LARS2: variants seen among roughly 807,000 people sequenced by gnomAD.
The protein encoded by LARS2 is leucyl-tRNA synthetase 2, mitochondrial, also known as leucine--tRNA ligase, mitochondrial.
LARS2 carries 81 observed loss-of-function variants against 116.6 expected under a neutral mutation model. The ratio of observed to expected loss-of-function variants is 0.69; its 90% CI spans 0.58 to 0.84. The LOEUF (loss-of-function observed/expected upper bound fraction) is 0.84, where lower values mean the gene tolerates loss of function less well. Among genes scored for constraint, LARS2 ranks in the 40% least tolerant of loss-of-function variants. LARS2 has a pLI of 0.00. For missense variants in LARS2, 968 were observed against 1,114.5 expected (o/e 0.87, Z 1.87); for synonymous variants, 396 against 407.2 (o/e 0.97, Z 0.33).
chr3:45,394,823 A>G (rs1381254968), intron 3 of LARS2, 136 bp downstream of exon 3: 9 of 639,542 alleles, frequency 1.4e-5, no homozygotes, highest in African/African-American at 3.7e-5. Flanking sequence ...CTGTGCTTCA[A>G]TTCTCTTATC....
chr3:45,428,239 GTT>G (rs35323496), intron 6 of LARS2, among the ~76,000 whole-genome samples: 1 of 84,190 alleles, frequency 1.2e-5, no homozygotes, highest in East Asian at 4.1e-4. Flanking sequence ...ATCTTAACCT[GTT>G]TTTTTTTTTT....
At chr3:45,539,999 G>A (rs1032455556) in intron 20 of LARS2, among the ~76,000 whole-genome samples, 4 of 151,976 alleles carry the variant, frequency 2.6e-5, no homozygotes, top group Admixed American at 6.5e-5. Flanking sequence ...GGTTGGGTGC[G>A]GTGGCTCACG....
intron 14 of LARS2, among the ~76,000 whole-genome samples, chr3:45,498,026 C>T (rs953699322): frequency 6.6e-6 from 1 of 152,238 alleles, no homozygotes; most frequent in Non-Finnish European, 1.5e-5. Flanking sequence ...CCTTCTCTGG[C>T]CCACAGAGGG....
intron 7 of LARS2, among the ~76,000 whole-genome samples, chr3:45,452,400 A>G (rs1004341469): frequency 6.6e-6 from 1 of 150,452 alleles, no homozygotes; most frequent in Non-Finnish European, 1.5e-5. Flanking sequence ...TTTTTTTATC[A>G]TGAAGGATGT....
intron 20 of LARS2, among the ~76,000 whole-genome samples, chr3:45,527,185 A>G (rs565585466): frequency 1.2e-4 from 19 of 152,280 alleles, no homozygotes; most frequent in African/African-American, 4.3e-4. Flanking sequence ...AACACTGGGC[A>G]TCTCAGAGGG....
chr3:45,401,284 T>G (rs1698144083), intron 4 of LARS2, among the ~76,000 whole-genome samples: 1 of 152,086 alleles, frequency 6.6e-6, no homozygotes, highest in Non-Finnish European at 1.5e-5. Context: ...GGAGGATTAC[T>G]TGAGCCCAGG....
chr3:45,431,380 G>A (rs1474024470), intron 6 of LARS2, among the ~76,000 whole-genome samples: 1 of 152,132 alleles, frequency 6.6e-6, no homozygotes, highest in East Asian at 1.9e-4. Context: ...TAACCTAAAA[G>A]CTATTCTTGC....
chr3:45,488,574 A>G, intron 11 of LARS2, 123 bp from the exon 12 acceptor site: 1 of 655,056 alleles, frequency 1.5e-6, no homozygotes, highest in Non-Finnish European at 2.8e-6. Context: ...GTGGTTTTAA[A>G]ACTTCTATAA....
At chr3:45,400,719 G>A (rs1698132057) in intron 4 of LARS2, among the ~76,000 whole-genome samples, 1 of 152,178 alleles carries the variant, frequency 6.6e-6, no homozygotes, top group Non-Finnish European at 1.5e-5. Context: ...GAGGTCAACA[G>A]TACAAATACA....
At chr3:45,479,084 A>C (rs1379094441) in intron 10 of LARS2, among the ~76,000 whole-genome samples, 4 of 151,932 alleles carry the variant, frequency 2.6e-5, no homozygotes, top group Non-Finnish European at 5.9e-5. Context: ...TAAATTTATC[A>C]CTTGCAGGAG....
At chr3:45,518,961 G>A (rs544958370) in intron 18 of LARS2, among the ~76,000 whole-genome samples, 151 of 152,148 alleles carry the variant, frequency 9.9e-4, no homozygotes, top group Admixed American at 1.7e-3. Context: ...TGAATGTAGG[G>A]GTCTGAGTGA....
intron 6 of LARS2, among the ~76,000 whole-genome samples, chr3:45,442,742 G>A (rs1698934178): frequency 3.3e-5 from 5 of 152,034 alleles, no homozygotes; most frequent in Admixed American, 1.3e-4. Flanking sequence ...GATGGAGAAG[G>A]GCAACTCACT....
chr3:45,486,158 A>G (rs1284412804), intron 11 of LARS2, among the ~76,000 whole-genome samples: 1 of 152,182 alleles, frequency 6.6e-6, no homozygotes, highest in African/African-American at 2.4e-5. Context: ...AGCTTTAAAA[A>G]AAAAAGGAAG....
intron 6 of LARS2, among the ~76,000 whole-genome samples, chr3:45,436,522 C>T (rs1199985501): frequency 1.3e-5 from 2 of 152,050 alleles, no homozygotes; most frequent in Non-Finnish European, 2.9e-5. Context: ...TGGCCGGGCG[C>T]GGTGGCTCAC....
chr3:45,453,738 C>G (rs1469627727), intron 7 of LARS2, among the ~76,000 whole-genome samples: 3 of 152,016 alleles, frequency 2.0e-5, no homozygotes, highest in Non-Finnish European at 4.4e-5. Flanking sequence ...CTTAGTTAAG[C>G]ATGCTTTGTC....
intron 9 of LARS2, among the ~76,000 whole-genome samples, chr3:45,475,212 C>T (rs1406166047): frequency 1.3e-5 from 2 of 152,186 alleles, no homozygotes; most frequent in African/African-American, 4.8e-5. Flanking sequence ...GCCTTCCTTT[C>T]TAGACTCTTG....
chr3:45,401,571 C>T (rs1257070374), intron 4 of LARS2, among the ~76,000 whole-genome samples: 5 of 152,048 alleles, frequency 3.3e-5, no homozygotes, highest in South Asian at 2.1e-4. Context: ...GGAGGACAAA[C>T]GCCCTTCCTT....
rs1396698577 is a variant in LARS2 at position 45,484,618 on chromosome 3, A to T, written c.1019-1074A>T. On this transcript the variant is annotated intron_variant, in intron 10 of 21. Coordinates refer to ENST00000645846, the MANE Select transcript of LARS2 (RefSeq NM_015340.4). Reference sequence around the variant, plus strand: ...CCTGTCTCTACAAAAAAAAAAAAAAAAAAAAAAAAAAAATATATATATATA... The same window carrying T: ...CCTGTCTCTACAAAAAAAAAAAAAATAAAAAAAAAAAAATATATATATATA... Among the ~76,000 whole-genome samples the T allele has an allele frequency of 3.2e-3, 45 of 13,894 alleles. 2 individuals carry two copies. Among genetic ancestry groups the T allele is most frequent in the East Asian group, 0.016 (4 of 256 alleles). The allele number at this position is 13,894 out of a possible 152,430, so 9.1% of individuals were successfully genotyped here. A position where few individuals can be genotyped will look rare whatever the true frequency, so the allele number is the denominator to read the frequency against.
At chr3:45,523,976 C>CT in intron 19 of LARS2, 21 bp from the exon 20 acceptor site, 10 of 1,582,908 alleles carry the variant, frequency 6.3e-6, no homozygotes, top group Non-Finnish European at 8.7e-6. Flanking sequence ...AGTCTTCTTA[C>CT]TTTTTTTTCC....
Sources: allele counts gnomAD v4.1 joint callset (sites outside exome capture counted in the v4.1 genomes callset), GRCh38; gene constraint gnomAD v4.1.1; transcripts MANE v1.5; gene names NCBI Gene and HGNC (gene_info 2026-07-23, HGNC 2026-07-21).